PRKN: variants seen among roughly 807,000 people sequenced by gnomAD.
The protein encoded by PRKN is E3 ubiquitin-protein ligase parkin.
A neutral mutation model predicts 59.5 loss-of-function variants in PRKN; 56 were observed. The ratio of observed to expected loss-of-function variants is 0.94; its 90% CI spans 0.76 to 1.18. PRKN has a LOEUF of 1.18. PRKN is among the 50% of genes most tolerant of loss of function. The pLI, the probability that PRKN is intolerant of heterozygous loss-of-function variation, is 0.00. For missense variants in PRKN, 657 were observed against 596.4 expected, an observed-to-expected ratio of 1.10 and a Z score of -1.06; for synonymous variants, 250 against 222.1, an observed-to-expected ratio of 1.13 and a Z score of -1.12.
rs1385255573 is a variant in PRKN, at chr6:161,458,142, C to T, written c.1084-71265G>A. ...CTTTAGCTTGAAAGAAAAAGGGTAG[C>T]CTCCTTTAAGAAAACCTTTGGGTTT... On this transcript the variant is annotated intron_variant, in intron 9 of 11. Transcript: ENST00000366898. The surrounding 1 kb of genome is among the most constrained non-coding windows in gnomAD (Gnocchi z 6.1). Among the ~76,000 whole-genome samples, 2 of 152,164 alleles carry T rather than the reference C, an allele frequency of 1.3e-5. No individual in the cohort carries two copies. The highest frequency in any genetic ancestry group is 2.9e-5 in the Non-Finnish European group (2 of 68,028).
At chr6:162,485,592 G>A (rs554476404) in intron 1 of PRKN, among the ~76,000 whole-genome samples, 1 of 152,276 alleles carries the variant, frequency 6.6e-6, no homozygotes, top group South Asian at 2.1e-4. Flanking sequence ...TCCACAACTA[G>A]TAACTCAATT....
intron 4 of PRKN, among the ~76,000 whole-genome samples, chr6:162,070,725 C>A (rs1778539032): frequency 6.6e-6 from 1 of 152,148 alleles, no homozygotes. Context: ...AGCGTGCAAC[C>A]TAGATCCCCC....
At chr6:162,626,676 TG>T (rs1486277330) in intron 1 of PRKN, among the ~76,000 whole-genome samples, 2 of 151,818 alleles carry the variant, frequency 1.3e-5, no homozygotes, top group Non-Finnish European at 2.9e-5. Flanking sequence ...TAGCTGGGCC[TG>T]GTAGTGGGCG....
At chr6:162,436,168 T>C (rs1789757334) in intron 2 of PRKN, among the ~76,000 whole-genome samples, 1 of 72,588 alleles carries the variant, frequency 1.4e-5, no homozygotes, top group Admixed American at 2.6e-4. Context: ...AGAGTAAGAC[T>C]CCATCTCCAA....
At chr6:162,299,676 T>A (rs1190823501) in intron 2 of PRKN, among the ~76,000 whole-genome samples, 4 of 151,636 alleles carry the variant, frequency 2.6e-5, no homozygotes, top group Admixed American at 2.6e-4. Flanking sequence ...TATATACATA[T>A]ATTTATTCCT....
At chr6:162,693,755 T>TAAA (rs1404699490) in intron 1 of PRKN, among the ~76,000 whole-genome samples, 1 of 152,172 alleles carries the variant, frequency 6.6e-6, no homozygotes, top group Non-Finnish European at 1.5e-5. Context: ...AAGCCTCTTT[T>TAAA]AAAGAGTCAC....
At chr6:161,878,378 A>C (rs1794812742) in intron 6 of PRKN, among the ~76,000 whole-genome samples, 1 of 152,084 alleles carries the variant, frequency 6.6e-6, no homozygotes, top group Non-Finnish European at 1.5e-5. Flanking sequence ...GCGCCCCAGA[A>C]ACCTTTCTTA....
At chr6:162,503,342 T>G (rs1489838604) in intron 1 of PRKN, among the ~76,000 whole-genome samples, 1 of 151,922 alleles carries the variant, frequency 6.6e-6, no homozygotes, top group Non-Finnish European at 1.5e-5. Context: ...TTTGGTATTT[T>G]GAGTAGAGAC....
At chr6:161,912,444 C>T (rs556958244) in intron 6 of PRKN, among the ~76,000 whole-genome samples, 4 of 151,828 alleles carry the variant, frequency 2.6e-5, no homozygotes, top group Admixed American at 6.6e-5. Context: ...TGAGCTGGGC[C>T]TGTGACTGGC....
chr6:162,648,938 A>T (rs1332227440), intron 1 of PRKN, among the ~76,000 whole-genome samples: 1 of 152,138 alleles, frequency 6.6e-6, no homozygotes, highest in Admixed American at 6.6e-5. Context: ...GTCCTCATCT[A>T]ATCAGTTGAA....
chr6:162,611,747 T>C (rs1306560505), intron 1 of PRKN, among the ~76,000 whole-genome samples: 4 of 152,210 alleles, frequency 2.6e-5, no homozygotes, highest in Non-Finnish European at 5.9e-5. Context: ...CATCTTAGTT[T>C]TGTCATCAAT....
chr6:161,633,826 C>A (rs991799823), intron 7 of PRKN, among the ~76,000 whole-genome samples: 1 of 152,016 alleles, frequency 6.6e-6, no homozygotes, highest in Non-Finnish European at 1.5e-5. Flanking sequence ...TAACAGGGGA[C>A]AAGATGCAGG....
rs117520592 is a variant in PRKN at position 162,033,085 on chromosome 6, C to T, written c.618+21006G>A. On this transcript the variant is annotated intron_variant, in intron 5 of 11. Coordinates refer to ENST00000366898, the MANE Select transcript of PRKN (RefSeq NM_004562.3). ...GCCTCTTTTATTCCAGACACTGGCT[C>T]CTCTCTCAGCTGTCTCACATGTTAT... Among the ~76,000 whole-genome samples, 68 of 152,322 alleles carry T rather than the reference C, an allele frequency of 4.5e-4. No individual in the cohort carries two copies. In the East Asian group the frequency reaches 9.5e-3, roughly 21 times the overall value.
rs1198006181 is a variant in PRKN, at chr6:161,581,112, CA to C, written c.872-11697del. Among the ~76,000 whole-genome samples, 1 of 151,206 alleles carries C rather than the reference CA, an allele frequency of 6.6e-6. No homozygotes were observed. The highest frequency in any genetic ancestry group is 2.0e-4 in the East Asian group (1 of 5,124). ...GCGTGGTGGCATGCCCTTGTAATCC[CA>C]GCTACTGGGGAGGTTTGAACCTGGG... is the stretch of plus-strand genomic sequence containing the variant. On this transcript the variant is annotated intron_variant, in intron 7 of 11. Coordinates refer to ENST00000366898, the MANE Select transcript of PRKN (RefSeq NM_004562.3). The surrounding 1 kb of genome is among the most constrained non-coding windows in gnomAD (Gnocchi z 4.5).
At chr6:162,717,574 A>G (rs1778778217) in intron 1 of PRKN, among the ~76,000 whole-genome samples, 1 of 151,772 alleles carries the variant, frequency 6.6e-6, no homozygotes, top group Admixed American at 6.6e-5. Flanking sequence ...TCAAAAAAAA[A>G]AAAAAAAAAA....
chr6:162,569,039 T>A lies in PRKN; in HGVS notation c.8-125566A>T. 7 of 698,504 alleles carry A rather than the reference T, an allele frequency of 1.0e-5. No homozygotes were observed. In the South Asian group the frequency reaches 1.1e-4, roughly 11 times the overall value. 43.3% of individuals were successfully genotyped at this position (698,504 alleles called of 1,614,324 possible). A position where few individuals can be genotyped will look rare whatever the true frequency, so the allele number is the denominator to read the frequency against. On this transcript the variant is annotated intron_variant, in intron 1 of 11. Coordinates refer to ENST00000366898, the MANE Select transcript of PRKN (RefSeq NM_004562.3). ...TGCAGTCCCAGATCTCGGACACATC[T>A]ATGGTGCTGTCCAGGACAACAGCCA...
chr6:162,323,412 T>C (rs1393037231), intron 2 of PRKN, among the ~76,000 whole-genome samples: 1 of 116,494 alleles, frequency 8.6e-6, no homozygotes, highest in Non-Finnish European at 2.0e-5. Flanking sequence ...TTATTTTGAC[T>C]GTCAAAATAA....
intron 1 of PRKN, among the ~76,000 whole-genome samples, chr6:162,474,702 CTTTG>C (rs1198261666): frequency 3.9e-5 from 6 of 152,148 alleles, no homozygotes; most frequent in African/African-American, 1.4e-4. Flanking sequence ...TTGCTAGATT[CTTTG>C]AACAGGTTTC....
At position 161,360,089 on chromosome 6, in the gene PRKN, A is replaced by AT. The variant is rs758718482; in HGVS notation, c.1283dup (p.Asn428LysfsTer141). 3.1e-6 allele frequency: 5 copies of AT among 1,606,328 alleles called. No individual in the cohort carries two copies. The highest frequency in any genetic ancestry group is 1.7e-5 in the Admixed American group (1 of 59,980). On this transcript the variant is annotated frameshift_variant and splice_region_variant, in exon 11 of 12. Coordinates refer to ENST00000366898, the MANE Select transcript of PRKN (RefSeq NM_004562.3). LOFTEE classifies it low-confidence loss of function (END_TRUNC). The surrounding 1 kb of genome is among the most constrained non-coding windows in gnomAD (Gnocchi z 5.1). ...ATTCTCTGCTCAGCACAGACTCACC[A>AT]TTTTTTTCCACTGGTACATGGCAGC...
Sources: gnomAD v4.1 joint callset for allele counts (sites outside exome capture counted in the v4.1 genomes callset) on GRCh38, gnomAD v4.1.1 for gene constraint, Gnocchi (gnomAD v3.1) non-coding constraint, MANE v1.5 for transcripts, NCBI Gene and HGNC (gene_info 2026-07-23, HGNC 2026-07-21) for gene names.